KIAA0825: variants seen among roughly 807,000 people sequenced by gnomAD.
KIAA0825 encodes the protein KIAA0825.
Under a neutral mutation model 147.6 loss-of-function variants are expected in KIAA0825, and 119 were observed. The observed-to-expected ratio is 0.81, with a 90% CI of 0.69 to 0.94. The LOEUF (loss-of-function observed/expected upper bound fraction) is 0.94, where lower values mean the gene tolerates loss of function less well. KIAA0825 is among the 40% of genes least tolerant of loss of function. The pLI is 0.00. For missense variants in KIAA0825, 1,381 were observed against 1,472.7 expected, an observed-to-expected ratio of 0.94 and a Z score of 1.02; for synonymous variants, 470 against 518.1, an observed-to-expected ratio of 0.91 and a Z score of 1.26.
intron 20 of KIAA0825, among the ~76,000 whole-genome samples, chr5:94,236,432 T>G (rs1366100875): frequency 6.6e-6 from 1 of 152,204 alleles, no homozygotes; most frequent in African/African-American, 2.4e-5. Flanking sequence ...GAGGAGTTGA[T>G]TCTTATGAAT....
intron 2 of KIAA0825, among the ~76,000 whole-genome samples, chr5:94,574,038 T>C (rs1195522821): frequency 6.6e-6 from 1 of 152,086 alleles, no homozygotes; most frequent in Non-Finnish European, 1.5e-5. Context: ...TATCAAATAA[T>C]CTAGCAGTCC....
chr5:94,515,752 A>G lies in KIAA0825; in HGVS notation c.970+4496T>C, dbSNP rs11957864. Among the ~76,000 whole-genome samples, 607 of 148,866 alleles carry G rather than the reference A, an allele frequency of 4.1e-3. 4 individuals carry two copies. The highest frequency in any genetic ancestry group is 0.015 in the African/African-American group (588 of 38,636). The stretch of plus-strand genomic sequence containing the variant: ...GGTTGCAGTGAGCCGAGATTGCGCC[A>G]TTGCACTCCAGCCTGGGCAACAGAG... On this transcript the variant is annotated intron_variant, in intron 5 of 20. Coordinates refer to ENST00000682413, the MANE Select transcript of KIAA0825 (RefSeq NM_001145678.3).
rs189622072 is a variant in KIAA0825, at chr5:94,603,078, C to T, written c.-153+15422G>A. Among the ~76,000 whole-genome samples, 464 of 152,146 alleles carry T rather than the reference C, an allele frequency of 3.0e-3. 1 individual carries two copies. Among genetic ancestry groups the T allele is most frequent in the Admixed American group, 0.014 (213 of 15,276 alleles). ...TCCTGACCTCATGATCTACCTGCCT[C>T]GGCTTCCCAAAGTGCTGGGATTACA... On this transcript the variant is annotated intron_variant, in intron 1 of 20. Transcript: ENST00000682413.
intron 3 of KIAA0825, among the ~76,000 whole-genome samples, chr5:94,526,328 C>A (rs1476925178): frequency 6.6e-6 from 1 of 151,976 alleles, no homozygotes; most frequent in Admixed American, 6.6e-5. Flanking sequence ...GCAGCACCCT[C>A]TGGCACAGTG....
intron 20 of KIAA0825, among the ~76,000 whole-genome samples, chr5:94,296,281 G>T (rs1033577320): frequency 2.0e-5 from 3 of 152,084 alleles, no homozygotes; most frequent in Admixed American, 2.0e-4. Flanking sequence ...ATTCCAGGTT[G>T]ACTTCATACT....
chr5:94,285,879 C>T (rs1368804675), intron 20 of KIAA0825, among the ~76,000 whole-genome samples: 3 of 152,088 alleles, frequency 2.0e-5, no homozygotes, highest in African/African-American at 7.2e-5. Context: ...AAAAATAAAA[C>T]CAGAAGCTAG....
intron 20 of KIAA0825, among the ~76,000 whole-genome samples, chr5:94,214,853 T>C (rs918016601): frequency 2.0e-5 from 3 of 152,060 alleles, no homozygotes; most frequent in African/African-American, 7.2e-5. Context: ...GCCTGAGTTT[T>C]GAGGAAAAAA....
intron 2 of KIAA0825, among the ~76,000 whole-genome samples, chr5:94,555,994 G>A (rs1248478297): frequency 6.6e-6 from 1 of 151,888 alleles, no homozygotes; most frequent in Non-Finnish European, 1.5e-5. Flanking sequence ...TTTTTAAAAG[G>A]CAGTTTTGTA....
intron 15 of KIAA0825, 73 bp downstream of exon 15, chr5:94,417,128 C>T (rs1753576359): frequency 7.1e-7 from 1 of 1,404,214 alleles, no homozygotes; most frequent in Non-Finnish European, 9.8e-7. Context: ...ATCAATACAA[C>T]TTCTAAACAT....
chr5:94,469,958 C>T lies in KIAA0825; in HGVS notation c.1872+3G>A, dbSNP rs1562528624. The T allele has an allele frequency of 6.5e-7, 1 of 1,543,390 alleles. No homozygotes were observed. The highest frequency in any genetic ancestry group is 1.2e-5 in the South Asian group (1 of 82,538). On this transcript the variant is annotated splice_donor_region_variant and intron_variant, in intron 10 of 20. Coordinates refer to ENST00000682413, the MANE Select transcript of KIAA0825 (RefSeq NM_001145678.3). ...AGGAGGGATAGTAAACTTAACTTCA[C>T]ACCTCATAAAAAGCTTTGTAGTCAT...
chr5:94,259,808 A>T (rs1776410049), intron 20 of KIAA0825, among the ~76,000 whole-genome samples: 1 of 151,864 alleles, frequency 6.6e-6, no homozygotes, highest in African/African-American at 2.4e-5. Flanking sequence ...TATCATATAA[A>T]TATATTACTA....
At position 94,503,984 on chromosome 5, in the gene KIAA0825, A is replaced by G. The variant is rs914979750; in HGVS notation, c.970+16264T>C. On this transcript the variant is annotated intron_variant, in intron 5 of 20. Transcript: ENST00000682413. ...GACTCCAGCCTGTGTATCAAGAACA[A>G]TGATCATAGACATGGACCCAAAATG... is the stretch of plus-strand genomic sequence containing the variant. 2.0e-5 allele frequency among the ~76,000 whole-genome samples: 3 copies of G among 152,196 alleles called. No individual in the cohort carries two copies. In the East Asian group the frequency reaches 5.8e-4, roughly 29 times the overall value.
At chr5:94,205,299 ATTTTG>A (rs1290558233) in intron 20 of KIAA0825, among the ~76,000 whole-genome samples, 2 of 137,910 alleles carry the variant, frequency 1.5e-5, no homozygotes, top group African/African-American at 5.5e-5. Context: ...ATATATATAT[ATTTTG>A]TTTTGTTTTG....
intron 20 of KIAA0825, among the ~76,000 whole-genome samples, chr5:94,176,098 G>C (rs1391760854): frequency 6.6e-6 from 1 of 152,110 alleles, no homozygotes. Context: ...GCAGTGTTGG[G>C]GGTAGGGCCT....
intron 11 of KIAA0825, among the ~76,000 whole-genome samples, chr5:94,463,226 G>A (rs1204816435): frequency 6.6e-6 from 1 of 150,700 alleles, no homozygotes; most frequent in Non-Finnish European, 1.5e-5. Flanking sequence ...TATTATTTTG[G>A]CATCTAACTA....
Position 94,594,227 on chromosome 5 carries a change from C to T in KIAA0825, c.-152-11644G>A, listed in dbSNP as rs956537936. ...TATCTTCATCTCTAAGTGCAAGAGT[C>T]CAGTTTTGTCTTATGGAACTAAATA... On this transcript the variant is annotated intron_variant, in intron 1 of 20. Transcript: ENST00000682413. 7 of 597,988 alleles carry T rather than the reference C, an allele frequency of 1.2e-5. No individual in the cohort carries two copies. In the African/African-American group the frequency reaches 1.3e-4, roughly 11 times the overall value. The allele number at this position is 597,988 out of a possible 1,614,324, so 37.0% of individuals were successfully genotyped here.
chr5:94,490,175 T>G (rs1225888886), intron 5 of KIAA0825, among the ~76,000 whole-genome samples: 1 of 152,162 alleles, frequency 6.6e-6, no homozygotes. Flanking sequence ...GGCCAAAGAC[T>G]ATATCCAGCT....
At chr5:94,334,286 A>T (rs1002534575) in intron 20 of KIAA0825, among the ~76,000 whole-genome samples, 3 of 152,280 alleles carry the variant, frequency 2.0e-5, no homozygotes, top group Non-Finnish European at 4.4e-5. Flanking sequence ...TATGAAAGAC[A>T]TAAATAGTGT....
chr5:94,523,921 T>C lies in KIAA0825; in HGVS notation c.300+9A>G. On this transcript the variant is annotated intron_variant, in intron 4 of 20. Transcript: ENST00000682413. ...TCCCACTCCATGATAAAATAAAAAT[T>C]CATTTTACCAGTGTTTTGAAAAATT... 2 of 1,556,914 alleles carry C rather than the reference T, an allele frequency of 1.3e-6. No homozygotes were observed. The highest frequency in any genetic ancestry group is 1.8e-6 in the Non-Finnish European group (2 of 1,136,758).
Sources: allele counts gnomAD v4.1 joint callset (sites outside exome capture counted in the v4.1 genomes callset), GRCh38; gene constraint gnomAD v4.1.1; transcripts MANE v1.5; gene names NCBI Gene and HGNC (gene_info 2026-07-23, HGNC 2026-07-21).